Variants in MAP4 observed in about 807,000 individuals in gnomAD.
The protein encoded by MAP4 is microtubule-associated protein 4.
MAP4 carries 76 observed loss-of-function variants against 170.2 expected under a neutral mutation model. The observed-to-expected ratio is 0.45, with a 90% CI of 0.37 to 0.54. The LOEUF is 0.54. Among genes scored for constraint, MAP4 ranks in the 20% least tolerant of loss-of-function variants. MAP4 has a pLI of 0.00. For synonymous variants in MAP4, 909 were observed against 994.5 expected, an observed-to-expected ratio of 0.91 and a Z score of 1.62; for missense variants, 2,506 against 2,748.0, an observed-to-expected ratio of 0.91 and a Z score of 1.97.
At chr3:47,930,702 G>A (rs1332062518) in intron 3 of MAP4, among the ~76,000 whole-genome samples, 2 of 151,942 alleles carry the variant, frequency 1.3e-5, no homozygotes, top group Non-Finnish European at 1.5e-5. Flanking sequence ...GCCAAGGTGG[G>A]CGGATCACAA....
intron 10 of MAP4, among the ~76,000 whole-genome samples, chr3:47,885,452 C>T (rs2097421388): frequency 6.6e-6 from 1 of 152,162 alleles, no homozygotes; most frequent in East Asian, 1.9e-4. Context: ...GTCCTGAGAT[C>T]CCTACCAGGT....
intron 1 of MAP4, among the ~76,000 whole-genome samples, chr3:48,072,008 G>A (rs2100141266): frequency 6.6e-6 from 1 of 151,950 alleles, no homozygotes; most frequent in Non-Finnish European, 1.5e-5. Context: ...ATCGCTTGAG[G>A]TCAGGAGTTC....
At chr3:47,895,046 A>G (rs1034780958) in intron 10 of MAP4, among the ~76,000 whole-genome samples, 1 of 151,698 alleles carries the variant, frequency 6.6e-6, no homozygotes, top group Non-Finnish European at 1.5e-5. Flanking sequence ...GGGGGTGAGG[A>G]AGATATTGTT....
chr3:48,017,828 G>C (rs2100108559), upstream of MAP4, among the ~76,000 whole-genome samples: 1 of 152,148 alleles, frequency 6.6e-6, no homozygotes, highest in Non-Finnish European at 1.5e-5. Flanking sequence ...AGTAGAGTCT[G>C]ATCTATACTG....
At chr3:47,856,996 G>A (rs2057682487) in intron 18 of MAP4, among the ~76,000 whole-genome samples, 1 of 152,242 alleles carries the variant, frequency 6.6e-6, no homozygotes, top group Admixed American at 6.5e-5. Flanking sequence ...CCATTCTCCT[G>A]CCAGGGCTAG....
intron 19 of MAP4, 34 bp from the exon 20 acceptor site, chr3:47,853,386 T>C: frequency 7.0e-7 from 1 of 1,421,904 alleles, no homozygotes; most frequent in South Asian, 1.2e-5. Context: ...CAGTGCAGGG[T>C]CAGTCGAGGG....
intron 18 of MAP4, among the ~76,000 whole-genome samples, chr3:47,856,524 G>A (rs1026270551): frequency 1.8e-4 from 27 of 151,400 alleles, no homozygotes; most frequent in Non-Finnish European, 3.1e-4. Flanking sequence ...CCATACTCTC[G>A]CCTCACTGTA....
rs191208396 is a variant in MAP4 at position 48,067,129 on chromosome 3, C to T, written c.-20+21644G>A. Among the ~76,000 whole-genome samples the T allele has an allele frequency of 1.1e-3, 167 of 151,984 alleles. 1 individual carries two copies. Among genetic ancestry groups the T allele is most frequent in the Non-Finnish European group, 1.7e-3 (114 of 67,956 alleles). ...TGCTGAGATCACAAGCGTGAGCCAC[C>T]GCGCCCAGCCTCTAATTCCTTAAAT... On this transcript the variant is annotated intron_variant, in intron 1 of 18. Transcript: ENST00000360240.
chr3:48,056,897 G>A lies in MAP4; in HGVS notation c.-20+31876C>T, dbSNP rs1242110839. Among the ~76,000 whole-genome samples, 218 of 120,046 alleles carry A rather than the reference G, an allele frequency of 1.8e-3. 3 individuals are homozygous for A. The highest frequency in any genetic ancestry group is 6.6e-3 in the African/African-American group (203 of 30,532). 78.8% of individuals were successfully genotyped at this position (120,046 alleles called of 152,430 possible). A position where few individuals can be genotyped will look rare whatever the true frequency, so the allele number is the denominator to read the frequency against. ...CCACCCCGTCCGGGAGGTGAGGGGCGCCTCTGCCCGGCCAGCCGCCCCGTC... is the reference window on the plus strand; with the variant it reads ...CCACCCCGTCCGGGAGGTGAGGGGCACCTCTGCCCGGCCAGCCGCCCCGTC... On this transcript the variant is annotated intron_variant, in intron 1 of 18. Transcript: ENST00000360240.
At chr3:47,990,747 C>T (rs764147856) in intron 2 of MAP4, among the ~76,000 whole-genome samples, 2 of 152,112 alleles carry the variant, frequency 1.3e-5, no homozygotes, top group Non-Finnish European at 2.9e-5. Context: ...GTCTCCCTCA[C>T]CTAGAAAATA....
intron 1 of MAP4, among the ~76,000 whole-genome samples, chr3:48,021,954 G>GC (rs1304887676): frequency 6.6e-6 from 1 of 152,018 alleles, no homozygotes; most frequent in East Asian, 1.9e-4. Context: ...CAAGAAAGAG[G>GC]CCAATGTACT....
intron 1 of MAP4, among the ~76,000 whole-genome samples, chr3:48,036,977 T>A (rs2100119051): frequency 6.6e-6 from 1 of 152,158 alleles, no homozygotes; most frequent in Non-Finnish European, 1.5e-5. Flanking sequence ...AAAAATCAGA[T>A]ACAGAATTTG....
intron 1 of MAP4, among the ~76,000 whole-genome samples, chr3:48,001,352 A>G (rs2100099048): frequency 6.6e-6 from 1 of 152,236 alleles, no homozygotes; most frequent in Admixed American, 6.5e-5. Flanking sequence ...AATTATATTT[A>G]TATAGACTTC....
At chr3:47,969,790 G>A (rs1350869413) in intron 3 of MAP4, among the ~76,000 whole-genome samples, 1 of 151,832 alleles carries the variant, frequency 6.6e-6, no homozygotes, top group Non-Finnish European at 1.5e-5. Context: ...GGCCCAGGAG[G>A]CAGAGCTTGC....
chr3:47,948,053 A>G (rs574295725), intron 3 of MAP4, among the ~76,000 whole-genome samples: 55 of 150,002 alleles, frequency 3.7e-4, no homozygotes, highest in Middle Eastern at 3.5e-3. Context: ...GCTGGAGTGC[A>G]GTGGCACAAT....
At chr3:48,012,195 C>A (rs2154435282) in intron 1 of MAP4, among the ~76,000 whole-genome samples, 1 of 152,252 alleles carries the variant, frequency 6.6e-6, no homozygotes, top group African/African-American at 2.4e-5. Flanking sequence ...CAATAAAGAG[C>A]CCCAGGCTCA....
intron 9 of MAP4, 135 bp downstream of exon 9, chr3:47,908,903 T>C (rs945940581): frequency 3.5e-5 from 33 of 933,484 alleles, no homozygotes; most frequent in African/African-American, 1.8e-4. Flanking sequence ...GTAGCAGTTA[T>C]AGGTTTCATG....
At chr3:48,074,676 TTGTGTGTGTGTGTGTGTGTG>T (rs555691222) in intron 1 of MAP4, among the ~76,000 whole-genome samples, 1 of 90,640 alleles carries the variant, frequency 1.1e-5, no homozygotes, top group African/African-American at 4.9e-5. Flanking sequence ...ATCCAGCTAA[TTGTGTGTGTGTGTGTGTGTG>T]TGTGTGTGTG....
intron 9 of MAP4, among the ~76,000 whole-genome samples, chr3:47,905,704 T>A (rs200303051): frequency 4.7e-5 from 7 of 148,720 alleles, no homozygotes; most frequent in Non-Finnish European, 8.9e-5. Context: ...AAAAAAAAAA[T>A]AAAACACAGC....
Sources: gnomAD v4.1 joint callset for allele counts (sites outside exome capture counted in the v4.1 genomes callset) on GRCh38, gnomAD v4.1.1 for gene constraint, MANE v1.5 for transcripts, NCBI Gene and HGNC (gene_info 2026-07-23, HGNC 2026-07-21) for gene names.